The following MREG variants were observed in gnomAD, a reference collection of about 807,000 sequenced individuals.
MREG encodes the protein dilute suppressor protein homolog.
In MREG, 31 loss-of-function variants were observed where a neutral mutation model predicts 28.5. That is an observed-to-expected ratio of 1.09 (90% CI 0.82 to 1.47). The LOEUF (loss-of-function observed/expected upper bound fraction) is 1.47. Among genes scored for constraint, MREG ranks in the 40% most tolerant of loss-of-function variants. The pLI is 0.00. For missense variants in MREG, 256 were observed against 257.4 expected, an observed-to-expected ratio of 0.99 and a Z score of 0.04; for synonymous variants, 106 against 95.2, an observed-to-expected ratio of 1.11 and a Z score of -0.66.
chr2:215,983,684 C>G (rs1471508664), intron 2 of MREG, among the ~76,000 whole-genome samples: 1 of 152,036 alleles, frequency 6.6e-6, no homozygotes, highest in African/African-American at 2.4e-5. Context: ...GAAGTATTGC[C>G]TCTGTAGTTT....
chr2:215,979,506 T>TAAA (rs1195753750), intron 2 of MREG, among the ~76,000 whole-genome samples: 1 of 140,008 alleles, frequency 7.1e-6, no homozygotes, highest in East Asian at 2.3e-4. Context: ...ATAATAATAA[T>TAAA]AATAATAAAA....
At chr2:216,022,351 G>A (rs973561577) in intron 1 of MREG, among the ~76,000 whole-genome samples, 1 of 151,924 alleles carries the variant, frequency 6.6e-6, no homozygotes, top group Non-Finnish European at 1.5e-5. Flanking sequence ...TCTATGCCTC[G>A]AGTCACCCAT....
intron 1 of MREG, among the ~76,000 whole-genome samples, chr2:216,023,103 C>G (rs1694549993): frequency 1.3e-5 from 2 of 152,178 alleles, no homozygotes; most frequent in Non-Finnish European, 2.9e-5. Flanking sequence ...AGGCCAGAAC[C>G]CTGCAACTCT....
intron 4 of MREG, 95 bp downstream of exon 4, chr2:215,945,476 G>T: frequency 1.4e-6 from 2 of 1,416,086 alleles, no homozygotes; most frequent in Non-Finnish European, 1.9e-6. Flanking sequence ...ATGTGATAGT[G>T]ATGGTGGTGT....
intron 1 of MREG, among the ~76,000 whole-genome samples, chr2:216,007,456 G>A (rs905815648): frequency 6.8e-6 from 1 of 146,934 alleles, no homozygotes; most frequent in Non-Finnish European, 1.5e-5. Context: ...TTGAGATGGA[G>A]TCTCGCTCTG....
At chr2:215,979,527 G>T (rs1278779428) in intron 2 of MREG, among the ~76,000 whole-genome samples, 1 of 149,308 alleles carries the variant, frequency 6.7e-6, no homozygotes, top group African/African-American at 2.5e-5. Context: ...GGTAAACAAA[G>T]TTATTCAATT....
At chr2:215,953,732 C>G (rs1388584230) in intron 2 of MREG, among the ~76,000 whole-genome samples, 1 of 152,230 alleles carries the variant, frequency 6.6e-6, no homozygotes, top group African/African-American at 2.4e-5. Context: ...AGACCTACTT[C>G]AGGAACTCTG....
chr2:215,973,026 T>C (rs1693147254), intron 2 of MREG, among the ~76,000 whole-genome samples: 1 of 151,868 alleles, frequency 6.6e-6, no homozygotes, highest in South Asian at 2.1e-4. Flanking sequence ...AGTGTTGGGG[T>C]CCTTTGGGGG....
chr2:215,959,141 C>T (rs1692713612), intron 2 of MREG, among the ~76,000 whole-genome samples: 1 of 152,094 alleles, frequency 6.6e-6, no homozygotes, highest in South Asian at 2.1e-4. Flanking sequence ...TGTCTTAGGT[C>T]TTTTTCTCAC....
chr2:216,027,723 C>T (rs4672790), intron 1 of MREG, among the ~76,000 whole-genome samples: 83,941 of 151,924 alleles, frequency 0.55, 23,577 homozygotes, highest in Admixed American at 0.59. Context: ...GTAGTTAAGA[C>T]ACTAGGACCT....
intron 2 of MREG, among the ~76,000 whole-genome samples, chr2:215,969,160 T>C (rs1693021555): frequency 6.6e-6 from 1 of 152,230 alleles, no homozygotes; most frequent in Admixed American, 6.5e-5. Flanking sequence ...ATTGGGCAGC[T>C]TCTCCAAAGA....
chr2:215,952,198 T>C (rs894387881), intron 2 of MREG, among the ~76,000 whole-genome samples: 2 of 152,216 alleles, frequency 1.3e-5, no homozygotes, highest in African/African-American at 4.8e-5. Flanking sequence ...TTTCCATATC[T>C]TGGCTATTGT....
intron 3 of MREG, among the ~76,000 whole-genome samples, chr2:215,946,311 T>C (rs537051164): frequency 7.3e-5 from 11 of 150,788 alleles, no homozygotes; most frequent in Admixed American, 2.0e-4. Flanking sequence ...TCCCATCCCA[T>C]TGCATGCCAA....
downstream of MREG, chr2:215,939,614 G>A (rs1692172433): frequency 6.6e-6 from 1 of 152,194 alleles, no homozygotes; most frequent in Admixed American, 6.5e-5. Flanking sequence ...TAGGCCTTGA[G>A]TACTGCTGGG....
chr2:215,975,008 T>TATATATATATATATATATATATATA (rs1553550371), intron 2 of MREG, among the ~76,000 whole-genome samples: 4 of 106,604 alleles, frequency 3.8e-5, no homozygotes, highest in African/African-American at 1.3e-4. Flanking sequence ...TTTATATGAA[T>TATATATATATATATATATATATATA]TATATATATA....
At chr2:215,961,384 G>C (rs1020821351) in intron 2 of MREG, among the ~76,000 whole-genome samples, 1 of 151,980 alleles carries the variant, frequency 6.6e-6, no homozygotes, top group Non-Finnish European at 1.5e-5. Flanking sequence ...TCAGTGAGAT[G>C]AGAACTAGCT....
Position 215,943,089 on chromosome 2 carries a change from T to A in MREG, c.*1774A>T, listed in dbSNP as rs1692224151. 1 of 169,184 alleles carries A rather than the reference T, an allele frequency of 5.9e-6. No individual in the cohort carries two copies. The highest frequency in any genetic ancestry group is 1.3e-5 in the Non-Finnish European group (1 of 77,914). The allele number at this position is 169,184 out of a possible 1,614,324, so 10.5% of individuals were successfully genotyped here. On this transcript the variant is annotated 3_prime_UTR_variant, in exon 5 of 5. Coordinates refer to ENST00000263268, the MANE Select transcript of MREG (RefSeq NM_018000.3). ...CGCTACCAAAAAGCTCATTGGTATA[T>A]AAAAATTTTCAAGTCACAGTCCTCT...
chr2:216,001,308 A>T (rs1326933264), intron 1 of MREG, among the ~76,000 whole-genome samples: 1 of 152,232 alleles, frequency 6.6e-6, no homozygotes, highest in Non-Finnish European at 1.5e-5. Context: ...CACCATATCT[A>T]GCCCTGCCCT....
At chr2:216,025,581 T>A (rs962233334) in intron 1 of MREG, among the ~76,000 whole-genome samples, 1 of 152,216 alleles carries the variant, frequency 6.6e-6, no homozygotes, top group Non-Finnish European at 1.5e-5. Context: ...TCTGAGTCAG[T>A]CAGTAAGCGA....
Sources: gnomAD v4.1 joint callset for allele counts (sites outside exome capture counted in the v4.1 genomes callset) on GRCh38, gnomAD v4.1.1 for gene constraint, MANE v1.5 for transcripts, NCBI Gene and HGNC (gene_info 2026-07-23, HGNC 2026-07-21) for gene names.